RTN3: variants seen among roughly 807,000 people sequenced by gnomAD.
The protein encoded by RTN3 is reticulon 3, also known as reticulon-3.
A neutral mutation model predicts 77.8 loss-of-function variants in RTN3; 49 were observed. The ratio of observed to expected loss-of-function variants is 0.63; its 90% confidence interval spans 0.50 to 0.80. The LOEUF is 0.80. RTN3 is among the 30% of genes least tolerant of loss of function. RTN3 has a pLI of 0.00. For missense variants in RTN3, 1,236 were observed against 1,211.9 expected (o/e 1.02, Z -0.29); for synonymous variants, 464 against 446.9 (o/e 1.04, Z -0.48).
At chr11:63,730,201 T>C (rs1034205854) in intron 3 of RTN3, among the ~76,000 whole-genome samples, 1 of 151,486 alleles carries the variant, frequency 6.6e-6, no homozygotes, top group Non-Finnish European at 1.5e-5. Context: ...TCCTGACCTC[T>C]AGTGATCCAC....
chr11:63,691,691 CAT>C (rs1157183663), intron 1 of RTN3, among the ~76,000 whole-genome samples: 1 of 152,180 alleles, frequency 6.6e-6, no homozygotes, highest in Non-Finnish European at 1.5e-5. Flanking sequence ...TCATAGAAGC[CAT>C]CAGCAAATGC....
At chr11:63,689,036 G>A (rs1425206354) in intron 1 of RTN3, among the ~76,000 whole-genome samples, 2 of 152,070 alleles carry the variant, frequency 1.3e-5, no homozygotes, top group African/African-American at 4.8e-5. Flanking sequence ...ATATAAATGT[G>A]CATATTTGTT....
At chr11:63,699,563 T>C (rs182693899) in intron 1 of RTN3, among the ~76,000 whole-genome samples, 13 of 152,306 alleles carry the variant, frequency 8.5e-5, no homozygotes, top group African/African-American at 2.9e-4. Context: ...ACACGTGATA[T>C]TGTCACACCC....
At position 63,753,657 on chromosome 11, in the gene RTN3, T is replaced by TA. The variant is rs1284323869; in HGVS notation, c.2948-4dup. ...CTTGCCATGTCCCATGATTCTGTCT[T>TA]ACAGCTGAACTGCTCATTTTCAGTG... On this transcript the variant is annotated splice_region_variant and splice_polypyrimidine_tract_variant and intron_variant, in intron 6 of 8. Transcript: ENST00000377819. 11 of 1,613,176 alleles carry TA rather than the reference T, an allele frequency of 6.8e-6. No homozygotes were observed. In the African/African-American group the frequency reaches 1.5e-4, roughly 22 times the overall value.
At chr11:63,751,078 AG>A (rs1195176336) in intron 4 of RTN3, among the ~76,000 whole-genome samples, 2 of 152,138 alleles carry the variant, frequency 1.3e-5, no homozygotes, top group Non-Finnish European at 2.9e-5. Flanking sequence ...CATATTGGTC[AG>A]GCTGGTCTTG....
intron 3 of RTN3, among the ~76,000 whole-genome samples, chr11:63,729,985 G>A (rs1407164174): frequency 1.3e-5 from 2 of 151,476 alleles, no homozygotes; most frequent in East Asian, 3.9e-4. Context: ...TTTATTTTTT[G>A]AGACAGAGTC....
chr11:63,714,102 A>G lies in RTN3; in HGVS notation c.200-4600A>G, dbSNP rs1030745728. Reference sequence around the variant, plus strand: ...TTCTATTTAATGTTTTCATGCCTTTATAAACTTTTTACTTCCAGCCCAATT... The same window carrying G: ...TTCTATTTAATGTTTTCATGCCTTTGTAAACTTTTTACTTCCAGCCCAATT... On this transcript the variant is annotated intron_variant, in intron 2 of 8. Transcript: ENST00000377819. 1.0e-5 allele frequency: 5 copies of G among 489,434 alleles called. 1 individual carries two copies. The highest frequency in any genetic ancestry group is 5.9e-5 in the South Asian group (4 of 67,356). The allele number at this position is 489,434 out of a possible 1,614,324, so 30.3% of individuals were successfully genotyped here.
In RTN3 at chr11:63,719,603, G is replaced by A. The variant is rs1317240768; in HGVS notation, c.1101G>A (p.Met367Ile). The change falls in exon 3 of 9, where the codon ATG (methionine) becomes ATA (isoleucine). Residue 367 changes from methionine (M) to isoleucine (I), a missense_variant. Met to Ile is a conservative substitution (Grantham distance 10). Transcript: ENST00000377819. The part of the protein sequence containing the change: ...DCITKTTGLD[M>I]SEYNSEIPVV... ...TCACAAAAACTACAGGACTTGACAT[G>A]AGTGAATATAATTCAGAAATTCCAG... 1 of 1,613,914 alleles carries A rather than the reference G, an allele frequency of 6.2e-7. No individual in the cohort carries two copies. The highest frequency in any genetic ancestry group is 1.7e-5 in the Admixed American group (1 of 59,976).
At chr11:63,712,189 T>C (rs750760950) in intron 2 of RTN3, among the ~76,000 whole-genome samples, 3 of 152,238 alleles carry the variant, frequency 2.0e-5, no homozygotes, top group East Asian at 3.8e-4. Context: ...GAGGATTTTC[T>C]GTATTATATA....
chr11:63,752,081 G>GT (rs1021979385), intron 4 of RTN3, among the ~76,000 whole-genome samples: 2 of 147,408 alleles, frequency 1.4e-5, no homozygotes, highest in Non-Finnish European at 3.0e-5. Context: ...TTTCCAAAAT[G>GT]TTTTTTTTAA....
At position 63,719,774 on chromosome 11, in the gene RTN3, T is replaced by G; in HGVS notation, c.1272T>G (p.Ser424=). 1 of 1,614,196 alleles carries G rather than the reference T, an allele frequency of 6.2e-7. No individual in the cohort carries two copies. The change falls in exon 3 of 9, where the codon TCT becomes TCG. Residue 424 remains serine (S), a synonymous_variant. Coordinates refer to ENST00000377819, the MANE Select transcript of RTN3 (RefSeq NM_001265589.2). ...TTACTGGAAAACCTGTACCTGACTC[T>G]TTGAATTCCACAAAAGAATTCAGTA... ...NAITGKPVPD[S]LNSTKEFSIK...
rs1942425337 is a variant in RTN3, at chr11:63,704,917, T to TA, written c.199+12dup. On this transcript the variant is annotated intron_variant, in intron 2 of 8. Coordinates refer to ENST00000377819, the MANE Select transcript of RTN3 (RefSeq NM_001265589.2). ...TTTTCGACCTCACAAGGCAAGTCTG[T>TA]AATTTTTTTGTGTGCATTGGTAAAA... is the stretch of plus-strand genomic sequence containing the variant. 1 of 1,604,662 alleles carries TA rather than the reference T, an allele frequency of 6.2e-7. No individual in the cohort carries two copies. Among genetic ancestry groups the TA allele is most frequent in the African/African-American group, 1.3e-5 (1 of 74,700 alleles).
chr11:63,735,131 A>G (rs996898033), intron 3 of RTN3, among the ~76,000 whole-genome samples: 2 of 152,052 alleles, frequency 1.3e-5, no homozygotes, highest in African/African-American at 4.8e-5. Flanking sequence ...CTGAGACTGC[A>G]AGTGTGCACC....
intron 6 of RTN3, 53 bp downstream of exon 6, chr11:63,753,191 A>G: frequency 6.5e-7 from 1 of 1,529,194 alleles, no homozygotes; most frequent in Non-Finnish European, 9.1e-7. Flanking sequence ...TTGTAAGAAT[A>G]AGAGTGAAGA....
chr11:63,705,391 G>T (rs1393686441), intron 2 of RTN3, among the ~76,000 whole-genome samples: 2 of 152,162 alleles, frequency 1.3e-5, no homozygotes, highest in Non-Finnish European at 2.9e-5. Context: ...GAGGTGGGAG[G>T]ATTGCTTGAG....
At chr11:63,748,991 C>A (rs1238948303) in intron 3 of RTN3, among the ~76,000 whole-genome samples, 1 of 149,784 alleles carries the variant, frequency 6.7e-6, no homozygotes, top group Non-Finnish European at 1.5e-5. Flanking sequence ...TTTAAGAGTA[C>A]TGCAGCTTGG....
At position 63,687,608 on chromosome 11, in the gene RTN3, T is replaced by TA. The variant is rs35057519; in HGVS notation, c.142+5845dup. 3.4e-3 allele frequency among the ~76,000 whole-genome samples: 459 copies of TA among 134,404 alleles called. 1 individual carries two copies. Among genetic ancestry groups the TA allele is most frequent in the African/African-American group, 5.2e-3 (190 of 36,498 alleles). The allele number at this position is 134,404 out of a possible 152,430, so 88.2% of individuals were successfully genotyped here. A position where few individuals can be genotyped will look rare whatever the true frequency, so the allele number is the denominator to read the frequency against. Reference sequence around the variant, plus strand: ...CTGAGCAACAGGGTGAGACTCCATCTAAAAAAAAAAAAAAAGTGAACACAT... The same window carrying TA: ...CTGAGCAACAGGGTGAGACTCCATCTAAAAAAAAAAAAAAAAGTGAACACAT... On this transcript the variant is annotated intron_variant, in intron 1 of 8. Coordinates refer to ENST00000377819, the MANE Select transcript of RTN3 (RefSeq NM_001265589.2).
chr11:63,703,540 AT>A (rs964767498), intron 1 of RTN3, among the ~76,000 whole-genome samples: 4 of 148,560 alleles, frequency 2.7e-5, no homozygotes, highest in African/African-American at 7.4e-5. Flanking sequence ...TCATACACAT[AT>A]TTTTTTTCTT....
rs1175521033 is a variant in RTN3, at chr11:63,718,598, ATATT to A, written c.200-100_200-97del. On this transcript the variant is annotated intron_variant, in intron 2 of 8. Coordinates refer to ENST00000377819, the MANE Select transcript of RTN3 (RefSeq NM_001265589.2). ...ATATACATCCTGTGTGTGTATATAT[ATATT>A]TATGTAATTTAAAAAATAAAAAGCA... is the stretch of plus-strand genomic sequence containing the variant. 8.5e-6 allele frequency: 6 copies of A among 703,762 alleles called. No homozygotes were observed. The East Asian group carries it at 1.7e-4, about 20-fold the overall frequency. 43.6% of individuals were successfully genotyped at this position (703,762 alleles called of 1,614,324 possible).
Sources: gnomAD v4.1 joint callset for allele counts (sites outside exome capture counted in the v4.1 genomes callset) on GRCh38, gnomAD v4.1.1 for gene constraint, MANE v1.5 for transcripts, NCBI Gene and HGNC (gene_info 2026-07-23, HGNC 2026-07-21) for gene names.